Variants in PTPRD observed in about 807,000 individuals in gnomAD.
The protein encoded by PTPRD is receptor-type tyrosine-protein phosphatase delta.
Under a neutral mutation model 214.5 loss-of-function variants are expected in PTPRD, and 34 were observed. That is an observed-to-expected ratio of 0.16 (90% CI 0.12 to 0.21). The LOEUF (loss-of-function observed/expected upper bound fraction) is 0.21. Ranked by LOEUF, PTPRD falls within the 10% of genes least tolerant of loss-of-function variation. The probability of loss-of-function intolerance (pLI) is 1.00; values close to 1 mark genes in which losing one functional copy is unlikely to be tolerated. For missense variants in PTPRD, 2,545 were observed against 2,398.7 expected (o/e 1.06, Z -1.27); for synonymous variants, 1,128 against 845.7 (o/e 1.33, Z -5.79).
intron 8 of PTPRD, among the ~76,000 whole-genome samples, chr9:9,484,769 G>T (rs772308123): frequency 6.6e-6 from 1 of 152,104 alleles, no homozygotes; most frequent in Non-Finnish European, 1.5e-5. Context: ...AGAACTCAAA[G>T]TGTCTGGTTC....
At chr9:9,486,314 GT>G (rs2095635507) in intron 8 of PTPRD, among the ~76,000 whole-genome samples, 1 of 151,926 alleles carries the variant, frequency 6.6e-6, no homozygotes, top group South Asian at 2.1e-4. Flanking sequence ...TTAGGCTGCT[GT>G]TTCAGTCTCT....
intron 14 of PTPRD, among the ~76,000 whole-genome samples, chr9:8,600,359 A>T (rs2094774578): frequency 6.6e-6 from 1 of 152,128 alleles, no homozygotes; most frequent in African/African-American, 2.4e-5. Flanking sequence ...TTCCTAGGCA[A>T]GTCCTAGTGC....
chr9:8,708,679 CAAAAAAAAAAAA>C (rs765081509), intron 12 of PTPRD, among the ~76,000 whole-genome samples: 5 of 39,396 alleles, frequency 1.3e-4, no homozygotes, highest in Admixed American at 1.2e-3. Context: ...GACTCTGTCT[CAAAAAAAAAAAA>C]AAAAAAAAAA....
intron 7 of PTPRD, among the ~76,000 whole-genome samples, chr9:9,580,976 T>G (rs1271972081): frequency 3.3e-5 from 5 of 152,248 alleles, no homozygotes; most frequent in South Asian, 2.1e-4. Context: ...TTCTGTGGGT[T>G]GTGTGTTCCC....
chr9:9,240,962 G>A (rs894800261), intron 9 of PTPRD, among the ~76,000 whole-genome samples: 17 of 152,128 alleles, frequency 1.1e-4, no homozygotes, highest in African/African-American at 3.1e-4. Context: ...TAGATTCATA[G>A]AAAGGATAGA....
chr9:8,650,528 C>CAAAAA (rs35887411), intron 12 of PTPRD, among the ~76,000 whole-genome samples: 1 of 104,306 alleles, frequency 9.6e-6, no homozygotes, highest in Non-Finnish European at 1.9e-5. Context: ...ACTCCGCCTC[C>CAAAAA]AAAAAAAAAA....
intron 5 of PTPRD, among the ~76,000 whole-genome samples, chr9:9,909,893 A>G (rs911680220): frequency 3.3e-5 from 5 of 151,382 alleles, no homozygotes; most frequent in Non-Finnish European, 7.4e-5. Context: ...TTTTTTCTTT[A>G]TAGTAAAGTA....
chr9:8,523,736 T>G (rs1447613850), intron 18 of PTPRD, among the ~76,000 whole-genome samples: 1 of 152,158 alleles, frequency 6.6e-6, no homozygotes, highest in Non-Finnish European at 1.5e-5. Context: ...GCTAGCATCA[T>G]TTTGAAATTT....
intron 9 of PTPRD, among the ~76,000 whole-genome samples, chr9:9,288,732 A>G (rs1950260652): frequency 6.6e-6 from 1 of 151,804 alleles, no homozygotes; most frequent in Non-Finnish European, 1.5e-5. Flanking sequence ...CCCAAATCTC[A>G]CCTTGAATTG....
intron 11 of PTPRD, among the ~76,000 whole-genome samples, chr9:8,885,232 C>A (rs562502130): frequency 6.6e-6 from 1 of 152,034 alleles, no homozygotes; most frequent in Admixed American, 6.6e-5. Context: ...TAAAACTCTG[C>A]GAGGAAGTTA....
intron 8 of PTPRD, among the ~76,000 whole-genome samples, chr9:9,407,147 A>T (rs551621253): frequency 6.6e-6 from 1 of 151,906 alleles, no homozygotes; most frequent in South Asian, 2.1e-4. Context: ...AATACTGTAG[A>T]TTGGCTTATC....
chr9:10,037,580 G>GAAAAAAAA (rs376794277), intron 3 of PTPRD, among the ~76,000 whole-genome samples: 1 of 83,112 alleles, frequency 1.2e-5, no homozygotes, highest in Non-Finnish European at 2.9e-5. Context: ...TATAGCAGTG[G>GAAAAAAAA]AAAAAAAAAA....
At chr9:10,437,999 C>G (rs1453639861) in intron 2 of PTPRD, among the ~76,000 whole-genome samples, 1 of 118,234 alleles carries the variant, frequency 8.5e-6, no homozygotes, top group East Asian at 3.1e-4. Flanking sequence ...TATCAGCTCC[C>G]TAAGTCTACA....
chr9:9,235,650 C>T (rs972771077), intron 9 of PTPRD, among the ~76,000 whole-genome samples: 2 of 152,134 alleles, frequency 1.3e-5, no homozygotes, highest in African/African-American at 4.8e-5. Flanking sequence ...TTGGAACATA[C>T]TGGTGTTATT....
intron 10 of PTPRD, among the ~76,000 whole-genome samples, chr9:9,048,506 C>T (rs1331878481): frequency 1.3e-5 from 2 of 152,028 alleles, no homozygotes; most frequent in Non-Finnish European, 2.9e-5. Flanking sequence ...TTTGTGAAAA[C>T]GTGGATGGAA....
intron 2 of PTPRD, among the ~76,000 whole-genome samples, chr9:10,591,019 G>C (rs1314017170): frequency 6.6e-6 from 1 of 152,044 alleles, no homozygotes; most frequent in South Asian, 2.1e-4. Flanking sequence ...GGATAAAAAT[G>C]AGGTCATACC....
chr9:9,452,858 A>C (rs1250084521), intron 8 of PTPRD, among the ~76,000 whole-genome samples: 2 of 151,520 alleles, frequency 1.3e-5, no homozygotes, highest in Non-Finnish European at 1.5e-5. Context: ...ATAATATCCA[A>C]AATTTTATTT....
chr9:9,542,873 G>T (rs57637318), intron 8 of PTPRD, among the ~76,000 whole-genome samples: 29,898 of 151,566 alleles, frequency 0.2, 3,328 homozygotes, highest in Non-Finnish European at 0.24. Flanking sequence ...TGCTGCAGGA[G>T]CATGAAATTT....
intron 35 of PTPRD, among the ~76,000 whole-genome samples, chr9:8,405,226 G>C (rs1457574041): frequency 6.6e-6 from 1 of 152,100 alleles, no homozygotes; most frequent in Admixed American, 6.6e-5. Context: ...AATTTAAATA[G>C]TTAACACGAA....
Sources: allele counts gnomAD v4.1 joint callset (sites outside exome capture counted in the v4.1 genomes callset), GRCh38; gene constraint gnomAD v4.1.1; transcripts MANE v1.5; gene names NCBI Gene and HGNC (gene_info 2026-07-23, HGNC 2026-07-21).